UCHL3: variants seen among roughly 807,000 people sequenced by gnomAD.
The protein encoded by UCHL3 is ubiquitin carboxyl-terminal hydrolase isozyme L3.
UCHL3 carries 22 observed loss-of-function variants against 35.8 expected under a neutral mutation model. The ratio of observed to expected loss-of-function variants is 0.61; its 90% CI spans 0.44 to 0.88. The LOEUF (loss-of-function observed/expected upper bound fraction) is 0.88, where lower values mean the gene tolerates loss of function less well. Ranked by LOEUF, UCHL3 falls within the 40% of genes least tolerant of loss-of-function variation. The pLI, the probability that UCHL3 is intolerant of heterozygous loss-of-function variation, is 0.00. For synonymous variants in UCHL3, 90 were observed against 92.8 expected (o/e 0.97, Z 0.17); for missense variants, 229 against 276.9 (o/e 0.83, Z 1.23).
intron 6 of UCHL3, among the ~76,000 whole-genome samples, chr13:75,576,725 A>G (rs2032035471): frequency 6.6e-6 from 1 of 152,204 alleles, no homozygotes; most frequent in South Asian, 2.1e-4. Context: ...TTAATAATAG[A>G]CATATAAAGC....
intron 5 of UCHL3, among the ~76,000 whole-genome samples, chr13:75,567,868 A>G (rs1307055925): frequency 6.6e-6 from 1 of 152,124 alleles, no homozygotes; most frequent in Non-Finnish European, 1.5e-5. Flanking sequence ...AATTAATAAA[A>G]TATCTTATGA....
intron 6 of UCHL3, among the ~76,000 whole-genome samples, chr13:75,582,804 T>A (rs2032222161): frequency 6.6e-6 from 1 of 152,220 alleles, no homozygotes; most frequent in African/African-American, 2.4e-5. Context: ...GATTTAAAAG[T>A]TGGTGTATGT....
chr13:75,601,932 AC>A, intron 7 of UCHL3, among the ~76,000 whole-genome samples: 1 of 152,122 alleles, frequency 6.6e-6, no homozygotes, highest in East Asian at 1.9e-4. Context: ...ACATGGTGAA[AC>A]CCCATCTCTA....
intron 6 of UCHL3, among the ~76,000 whole-genome samples, chr13:75,592,429 T>TATACATATATAC (rs2032510301): frequency 9.4e-5 from 8 of 85,528 alleles, no homozygotes; most frequent in African/African-American, 3.3e-4. Flanking sequence ...TATATATATA[T>TATACATATATAC]ATATATATAT....
At chr13:75,581,546 T>C (rs9543984) in intron 6 of UCHL3, among the ~76,000 whole-genome samples, 1 of 129,806 alleles carries the variant, frequency 7.7e-6, no homozygotes, top group South Asian at 2.5e-4. Flanking sequence ...TTTAGTAGGG[T>C]GGGGTCTCCC....
intron 2 of UCHL3, among the ~76,000 whole-genome samples, chr13:75,554,736 A>C (rs2031234765): frequency 6.6e-6 from 1 of 151,078 alleles, no homozygotes; most frequent in Non-Finnish European, 1.5e-5. Flanking sequence ...TTGTCCTTAG[A>C]AGATACTTGA....
chr13:75,589,882 A>G (rs2032429406), intron 6 of UCHL3: 1 of 1,224,542 alleles, frequency 8.2e-7, no homozygotes, highest in Admixed American at 2.9e-5. Flanking sequence ...TTTTAAGAAT[A>G]AATGATCACC....
At chr13:75,565,568 A>C (rs2031656728) in intron 3 of UCHL3, among the ~76,000 whole-genome samples, 1 of 152,204 alleles carries the variant, frequency 6.6e-6, no homozygotes, top group African/African-American at 2.4e-5. Flanking sequence ...TAGATAGTAA[A>C]TATTTTCAGC....
At chr13:75,576,377 G>C (rs754865993) in intron 6 of UCHL3, among the ~76,000 whole-genome samples, 1 of 152,006 alleles carries the variant, frequency 6.6e-6, no homozygotes, top group Non-Finnish European at 1.5e-5. Flanking sequence ...CTACAGGCAC[G>C]TGCCACCACA....
At chr13:75,555,625 T>TA (rs1449776377) in intron 2 of UCHL3, among the ~76,000 whole-genome samples, 1 of 148,638 alleles carries the variant, frequency 6.7e-6, no homozygotes. Context: ...ATTATAATAA[T>TA]ATATAAGTAG....
intron 7 of UCHL3, among the ~76,000 whole-genome samples, chr13:75,599,672 T>C (rs2032729276): frequency 6.6e-6 from 1 of 152,236 alleles, no homozygotes; most frequent in Admixed American, 6.5e-5. Flanking sequence ...ATTGATTTCA[T>C]GTATGTGTTC....
At chr13:75,568,209 T>C (rs1411993626) in intron 5 of UCHL3, among the ~76,000 whole-genome samples, 1 of 152,172 alleles carries the variant, frequency 6.6e-6, no homozygotes, top group African/African-American at 2.4e-5. Flanking sequence ...CATTATTAAA[T>C]AGATTGTAAG....
intron 6 of UCHL3, 56 bp from the exon 7 acceptor site, chr13:75,594,859 G>T: frequency 1.6e-6 from 2 of 1,274,102 alleles, no homozygotes; most frequent in South Asian, 2.5e-5. Flanking sequence ...ATGTATACAT[G>T]ACTGATTTGT....
At position 75,601,446 on chromosome 13, in the gene UCHL3, G is replaced by A. The variant is rs115590907; in HGVS notation, c.551-3323G>A. Among the ~76,000 whole-genome samples, 528 of 152,248 alleles carry A rather than the reference G, an allele frequency of 3.5e-3. 6 individuals are homozygous for A. Among genetic ancestry groups the A allele is most frequent in the African/African-American group, 0.012 (497 of 41,554 alleles). On this transcript the variant is annotated intron_variant, in intron 7 of 8. Coordinates refer to ENST00000377595, the MANE Select transcript of UCHL3 (RefSeq NM_006002.5). ...ACAGCCACCCCAATCTTCAGCAACC[G>A]CCGTCCTGATCAGTCAGGAGATATC...
chr13:75,562,955 A>G (rs935758019), intron 3 of UCHL3, among the ~76,000 whole-genome samples: 7 of 152,114 alleles, frequency 4.6e-5, no homozygotes, highest in Non-Finnish European at 1.0e-4. Flanking sequence ...GTAGATCCCT[A>G]TTTCAGCTTA....
At chr13:75,578,592 C>T (rs1403995407) in intron 6 of UCHL3, among the ~76,000 whole-genome samples, 2 of 151,980 alleles carry the variant, frequency 1.3e-5, no homozygotes, top group East Asian at 3.9e-4. Flanking sequence ...GTATTGAATT[C>T]CATTTCTAAA....
chr13:75,594,961 T>A lies in UCHL3; in HGVS notation c.521T>A (p.Val174Asp). ...GTAGATCTTCATTTTATTGCATTAG[T>A]TCATGTAGATGGGCATCTCTATGAA... ...EKVDLHFIAL[V>D]HVDGHLYELD... Residue 174 changes from valine to aspartate, a missense_variant, in exon 7 of 9, where the codon GTT becomes GAT. Coordinates refer to ENST00000377595, the MANE Select transcript of UCHL3 (RefSeq NM_006002.5). 1 of 1,607,954 alleles carries A rather than the reference T, an allele frequency of 6.2e-7. No homozygotes were observed. Among genetic ancestry groups the A allele is most frequent in the Non-Finnish European group, 8.5e-7 (1 of 1,178,492 alleles).
Position 75,606,008 on chromosome 13 carries a change from G to A in UCHL3, c.*196G>A. On this transcript the variant is annotated 3_prime_UTR_variant, in exon 9 of 9. Transcript: ENST00000377595. ...CAATGCTTTCCTCCTCTTTTCTTGTGAAGGATTTATCTTGTTTGAAAACTA... is the reference window on the plus strand; with the variant it reads ...CAATGCTTTCCTCCTCTTTTCTTGTAAAGGATTTATCTTGTTTGAAAACTA... The A allele has an allele frequency of 3.7e-6, 2 of 535,140 alleles. No homozygotes were observed. Among genetic ancestry groups the A allele is most frequent in the East Asian group, 5.7e-5 (2 of 35,242 alleles). The allele number at this position is 535,140 out of a possible 1,614,324, so 33.1% of individuals were successfully genotyped here. A position where few individuals can be genotyped will look rare whatever the true frequency, so the allele number is the denominator to read the frequency against.
At chr13:75,557,627 A>C (rs557676616) in intron 2 of UCHL3, among the ~76,000 whole-genome samples, 1 of 152,292 alleles carries the variant, frequency 6.6e-6, no homozygotes, top group Non-Finnish European at 1.5e-5. Context: ...ATGGCTTTGC[A>C]AATGCATGTA....
Sources: gnomAD v4.1 joint callset for allele counts (sites outside exome capture counted in the v4.1 genomes callset) on GRCh38, gnomAD v4.1.1 for gene constraint, MANE v1.5 for transcripts, NCBI Gene and HGNC (gene_info 2026-07-23, HGNC 2026-07-21) for gene names.